The following CHCHD3 variants were observed in gnomAD, a reference collection of about 807,000 sequenced individuals.
CHCHD3 encodes coiled-coil-helix-coiled-coil-helix domain containing 3, also known as MICOS complex subunit MIC19.
Under a neutral mutation model 38.2 loss-of-function variants are expected in CHCHD3, and 20 were observed. The ratio of observed to expected loss-of-function variants is 0.52; its 90% CI spans 0.37 to 0.76. The LOEUF (loss-of-function observed/expected upper bound fraction) is 0.76. Among genes scored for constraint, CHCHD3 ranks in the 30% least tolerant of loss-of-function variants. CHCHD3 has a pLI of 0.00. For missense variants in CHCHD3, 245 were observed against 279.2 expected (o/e 0.88, Z 0.87); for synonymous variants, 82 against 100.0 (o/e 0.82, Z 1.07).
intron 1 of CHCHD3, 104 bp from the exon 2 acceptor site, chr7:133,070,333 G>T: frequency 1.2e-6 from 1 of 826,464 alleles, no homozygotes; most frequent in Non-Finnish European, 1.9e-6. Flanking sequence ...TACATATGAC[G>T]AATGCCCTAA....
intron 4 of CHCHD3, among the ~76,000 whole-genome samples, chr7:132,919,424 T>C (rs1252043745): frequency 6.6e-6 from 1 of 152,200 alleles, no homozygotes; most frequent in Non-Finnish European, 1.5e-5. Context: ...GTTGGGTTTA[T>C]TCTTAGAAGA....
At chr7:132,926,094 G>C (rs2117246188) in intron 4 of CHCHD3, among the ~76,000 whole-genome samples, 1 of 152,314 alleles carries the variant, frequency 6.6e-6, no homozygotes, top group Non-Finnish European at 1.5e-5. Flanking sequence ...CCACTACGGA[G>C]TTTCTTGCAT....
chr7:132,809,884 A>G (rs1807024479), intron 6 of CHCHD3, among the ~76,000 whole-genome samples: 1 of 152,208 alleles, frequency 6.6e-6, no homozygotes, highest in Non-Finnish European at 1.5e-5. Context: ...TTCATTTCAA[A>G]AGGTTTGAAC....
chr7:132,840,812 C>T (rs571639758), intron 5 of CHCHD3, among the ~76,000 whole-genome samples: 35 of 152,084 alleles, frequency 2.3e-4, no homozygotes, highest in Non-Finnish European at 4.6e-4. Flanking sequence ...TGCCATAATA[C>T]AAATTAGTCA....
chr7:132,947,691 ATAATAAG>A (rs1212094405), intron 4 of CHCHD3, among the ~76,000 whole-genome samples: 18 of 152,034 alleles, frequency 1.2e-4, no homozygotes, highest in African/African-American at 4.3e-4. Flanking sequence ...TGATAATGTT[ATAATAAG>A]TAATATCATT....
chr7:132,909,900 G>T (rs1005735806), intron 4 of CHCHD3, among the ~76,000 whole-genome samples: 10 of 152,184 alleles, frequency 6.6e-5, no homozygotes, highest in African/African-American at 2.4e-4. Context: ...ATGAGGCAAT[G>T]TACAAAGTGT....
intron 7 of CHCHD3, 120 bp downstream of exon 7, chr7:132,796,322 G>T: frequency 9.3e-7 from 1 of 1,071,316 alleles, no homozygotes; most frequent in Non-Finnish European, 1.4e-6. Context: ...TCTTGATGAT[G>T]ATGACTAGGG....
intron 3 of CHCHD3, among the ~76,000 whole-genome samples, chr7:133,008,975 A>G (rs1431663435): frequency 6.6e-6 from 1 of 151,972 alleles, no homozygotes. Flanking sequence ...AAGACCAAAA[A>G]AAAAAAAAAC....
chr7:132,834,849 C>G (rs1456942062), intron 6 of CHCHD3, among the ~76,000 whole-genome samples: 1 of 152,158 alleles, frequency 6.6e-6, no homozygotes, highest in Non-Finnish European at 1.5e-5. Context: ...AACTGCTTGA[C>G]TGATGGTCCA....
At chr7:132,898,227 G>GC (rs1809557922) in intron 4 of CHCHD3, among the ~76,000 whole-genome samples, 1 of 152,160 alleles carries the variant, frequency 6.6e-6, no homozygotes, top group Non-Finnish European at 1.5e-5. Flanking sequence ...AGGGACCCGA[G>GC]CGGGTTGCCA....
intron 3 of CHCHD3, among the ~76,000 whole-genome samples, chr7:133,009,064 C>T (rs1812786906): frequency 6.6e-6 from 1 of 151,426 alleles, no homozygotes; most frequent in Non-Finnish European, 1.5e-5. Context: ...AGATAATCTT[C>T]AACTCAAAAC....
intron 2 of CHCHD3, 59 bp downstream of exon 2, chr7:133,070,083 C>A: frequency 1.5e-6 from 2 of 1,306,272 alleles, no homozygotes; most frequent in East Asian, 2.4e-5. Context: ...ACTATTGAGT[C>A]AACTTTTTCC....
intron 3 of CHCHD3, among the ~76,000 whole-genome samples, chr7:132,997,168 T>C (rs560273096): frequency 2.6e-5 from 4 of 152,316 alleles, no homozygotes; most frequent in South Asian, 2.1e-4. Context: ...GCCACCTTCA[T>C]TATTTACTTC....
chr7:133,034,741 A>G (rs1396507749), intron 2 of CHCHD3: 1 of 1,613,486 alleles, frequency 6.2e-7, no homozygotes, highest in African/African-American at 1.3e-5. Flanking sequence ...TATGACTCGT[A>G]GTCCACCTGC....
chr7:133,051,413 T>C (rs1269115070), intron 2 of CHCHD3, among the ~76,000 whole-genome samples: 1 of 152,186 alleles, frequency 6.6e-6, no homozygotes, highest in Non-Finnish European at 1.5e-5. Context: ...CAGTACCCTT[T>C]TAACTACTAT....
intron 4 of CHCHD3, among the ~76,000 whole-genome samples, chr7:132,966,342 A>C (rs1020974022): frequency 7.9e-5 from 12 of 152,222 alleles, no homozygotes; most frequent in African/African-American, 2.9e-4. Context: ...TACAAGATAC[A>C]TGAAGATAGC....
At chr7:132,839,563 A>G (rs1464670278) in intron 5 of CHCHD3, among the ~76,000 whole-genome samples, 2 of 152,254 alleles carry the variant, frequency 1.3e-5, no homozygotes, top group Non-Finnish European at 2.9e-5. Context: ...ACGGTAGTCT[A>G]TTGTGTACCT....
intron 4 of CHCHD3, among the ~76,000 whole-genome samples, chr7:132,961,140 G>C (rs962919533): frequency 6.6e-6 from 1 of 152,042 alleles, no homozygotes; most frequent in Non-Finnish European, 1.5e-5. Flanking sequence ...AAATTAGCCA[G>C]GTGTGGTAGT....
chr7:132,825,607 T>C (rs911037602), intron 6 of CHCHD3, among the ~76,000 whole-genome samples: 6 of 152,244 alleles, frequency 3.9e-5, no homozygotes, highest in African/African-American at 1.4e-4. Flanking sequence ...TGGTTGATTA[T>C]GAGCAGTATC....
Sources: gnomAD v4.1 joint callset for allele counts (sites outside exome capture counted in the v4.1 genomes callset) on GRCh38, gnomAD v4.1.1 for gene constraint, MANE v1.5 for transcripts, NCBI Gene and HGNC (gene_info 2026-07-23, HGNC 2026-07-21) for gene names.